Variants in HCN1 observed in about 807,000 individuals in gnomAD.
HCN1 encodes potassium/sodium hyperpolarization-activated cyclic nucleotide-gated channel 1.
HCN1 carries 13 observed loss-of-function variants against 78.9 expected under a neutral mutation model. The observed-to-expected ratio is 0.16, with a 90% CI of 0.11 to 0.26. HCN1 has a LOEUF of 0.26. Ranked by LOEUF, HCN1 falls within the 10% of genes least tolerant of loss-of-function variation. The pLI is 1.00. For missense variants in HCN1, 810 were observed against 1,154.3 expected, an observed-to-expected ratio of 0.70 and a Z score of 4.32; for synonymous variants, 552 against 455.5, an observed-to-expected ratio of 1.21 and a Z score of -2.70.
chr5:45,631,850 TAACA>T (rs1745274167), intron 2 of HCN1, among the ~76,000 whole-genome samples: 1 of 152,190 alleles, frequency 6.6e-6, no homozygotes, highest in Non-Finnish European at 1.5e-5. Flanking sequence ...TGTAAAATTT[TAACA>T]AATTTAAGTT....
chr5:45,536,872 T>G (rs971003606), intron 2 of HCN1, among the ~76,000 whole-genome samples: 4 of 152,144 alleles, frequency 2.6e-5, no homozygotes, highest in Admixed American at 6.5e-5. Flanking sequence ...TCCCATAAGG[T>G]TGGCAGCAGG....
At chr5:45,409,400 C>T (rs1332977115) in intron 3 of HCN1, among the ~76,000 whole-genome samples, 1 of 151,884 alleles carries the variant, frequency 6.6e-6, no homozygotes, top group African/African-American at 2.4e-5. Context: ...TATAGACAAA[C>T]TTAAACTATA....
chr5:45,476,459 G>A (rs535420693), intron 2 of HCN1, among the ~76,000 whole-genome samples: 19 of 152,224 alleles, frequency 1.2e-4, no homozygotes, highest in African/African-American at 4.1e-4. Flanking sequence ...AGAAAACTAA[G>A]ACAAGGGAGG....
chr5:45,500,018 A>G (rs975745622), intron 2 of HCN1, among the ~76,000 whole-genome samples: 4 of 152,120 alleles, frequency 2.6e-5, no homozygotes, highest in Non-Finnish European at 5.9e-5. Context: ...AGTAATTATA[A>G]TTTTATAATA....
At chr5:45,325,655 A>G (rs1452908547) in intron 5 of HCN1, among the ~76,000 whole-genome samples, 1 of 151,674 alleles carries the variant, frequency 6.6e-6, no homozygotes, top group Non-Finnish European at 1.5e-5. Flanking sequence ...TCTAAATTGC[A>G]AGATGGTTCA....
chr5:45,372,150 AT>A (rs1747400729), intron 4 of HCN1, among the ~76,000 whole-genome samples: 2 of 57,742 alleles, frequency 3.5e-5, no homozygotes, highest in East Asian at 7.7e-4. Flanking sequence ...AATATATTAT[AT>A]AATATGTTAT....
chr5:45,412,560 T>C (rs772232821), intron 3 of HCN1, among the ~76,000 whole-genome samples: 3 of 152,102 alleles, frequency 2.0e-5, no homozygotes, highest in Non-Finnish European at 4.4e-5. Flanking sequence ...TCCCATATCT[T>C]CTTCTGAGAG....
At chr5:45,581,541 A>C (rs139153237) in intron 2 of HCN1, among the ~76,000 whole-genome samples, 1 of 151,940 alleles carries the variant, frequency 6.6e-6, no homozygotes, top group African/African-American at 2.4e-5. Context: ...CCCATTTGTC[A>C]ATTTTGGCTT....
chr5:45,404,687 T>C (rs1445567730), intron 3 of HCN1, among the ~76,000 whole-genome samples: 4 of 92,122 alleles, frequency 4.3e-5, no homozygotes, highest in Non-Finnish European at 6.0e-5. Flanking sequence ...GATGAAGGGC[T>C]ATTTGCAAAA....
intron 1 of HCN1, among the ~76,000 whole-genome samples, chr5:45,652,818 T>A (rs1047600247): frequency 6.6e-6 from 1 of 152,034 alleles, no homozygotes; most frequent in Non-Finnish European, 1.5e-5. Flanking sequence ...CCCTGACTCT[T>A]CTCTCTGCCC....
intron 2 of HCN1, among the ~76,000 whole-genome samples, chr5:45,504,941 G>T (rs1437754760): frequency 6.6e-6 from 1 of 152,058 alleles, no homozygotes; most frequent in African/African-American, 2.4e-5. Flanking sequence ...ACTTTTTGAT[G>T]GGGTTGTTTG....
intron 4 of HCN1, among the ~76,000 whole-genome samples, chr5:45,373,141 T>G (rs1288947306): frequency 1.6e-5 from 2 of 124,744 alleles, no homozygotes; most frequent in East Asian, 4.4e-4. Flanking sequence ...ATATATAGTA[T>G]ATAATATATA....
chr5:45,276,062 G>A (rs1745050609), intron 6 of HCN1, among the ~76,000 whole-genome samples: 1 of 151,670 alleles, frequency 6.6e-6, no homozygotes, highest in African/African-American at 2.4e-5. Flanking sequence ...TTCCTATGTG[G>A]CTTAATATGC....
chr5:45,338,709 T>A lies in HCN1; in HGVS notation c.1377+14391A>T, dbSNP rs908784568. Among the ~76,000 whole-genome samples the A allele has an allele frequency of 6.9e-4, 105 of 152,164 alleles. 1 individual carries two copies. Among genetic ancestry groups the A allele is most frequent in the African/African-American group, 2.5e-3 (102 of 41,464 alleles). On this transcript the variant is annotated intron_variant, in intron 5 of 7. Coordinates refer to ENST00000303230, the MANE Select transcript of HCN1 (RefSeq NM_021072.4). Reference sequence around the variant, plus strand: ...TTTTGAAAGGTGAATTGATATATTTTACTGCTTTTTAGACATTTTTTGTAA... The same window carrying A: ...TTTTGAAAGGTGAATTGATATATTTAACTGCTTTTTAGACATTTTTTGTAA...
intron 3 of HCN1, among the ~76,000 whole-genome samples, chr5:45,435,329 T>C (rs548315243): frequency 6.6e-6 from 1 of 152,146 alleles, no homozygotes; most frequent in Admixed American, 6.5e-5. Flanking sequence ...GTAAATAAAA[T>C]GCATATTTCA....
At chr5:45,305,460 A>G (rs1269435644) in intron 5 of HCN1, among the ~76,000 whole-genome samples, 1 of 152,178 alleles carries the variant, frequency 6.6e-6, no homozygotes, top group Non-Finnish European at 1.5e-5. Flanking sequence ...TGAACCTAGC[A>G]GCAAAGACAA....
At chr5:45,649,035 C>T (rs571916243) in intron 1 of HCN1, among the ~76,000 whole-genome samples, 7 of 152,114 alleles carry the variant, frequency 4.6e-5, no homozygotes, top group Non-Finnish European at 8.8e-5. Context: ...TGAGGACAAG[C>T]ATCCCATATC....
At chr5:45,449,581 G>T (rs933968048) in intron 3 of HCN1, among the ~76,000 whole-genome samples, 1 of 151,484 alleles carries the variant, frequency 6.6e-6, no homozygotes. Flanking sequence ...CTAGTATGCT[G>T]TTAATAACAC....
At chr5:45,606,768 T>C (rs1401565380) in intron 2 of HCN1, among the ~76,000 whole-genome samples, 1 of 151,534 alleles carries the variant, frequency 6.6e-6, no homozygotes, top group East Asian at 1.9e-4. Context: ...ATAATAGAAA[T>C]AACAAAACAG....
Sources: allele counts gnomAD v4.1 joint callset (sites outside exome capture counted in the v4.1 genomes callset), GRCh38; gene constraint gnomAD v4.1.1; transcripts MANE v1.5; gene names NCBI Gene and HGNC (gene_info 2026-07-23, HGNC 2026-07-21).